Variants in EDIL3 observed in about 807,000 individuals in gnomAD.
EDIL3 encodes the protein EGF like and discoidin domains 3, also known as EGF-like repeat and discoidin I-like domain-containing protein 3.
A neutral mutation model predicts 67.4 loss-of-function variants in EDIL3; 37 were observed. The observed-to-expected ratio is 0.55, with a 90% confidence interval of 0.42 to 0.72. EDIL3 has a LOEUF of 0.72. EDIL3 is among the 30% of genes least tolerant of loss of function. EDIL3 has a pLI of 0.00. For synonymous variants in EDIL3, 195 were observed against 196.3 expected (o/e 0.99, Z 0.05); for missense variants, 527 against 586.3 (o/e 0.90, Z 1.04).
At chr5:84,271,031 TACCCA>T (rs1745463334) in intron 1 of EDIL3, among the ~76,000 whole-genome samples, 2 of 152,242 alleles carry the variant, frequency 1.3e-5, no homozygotes, top group South Asian at 4.1e-4. Flanking sequence ...AGTCCTGGTC[TACCCA>T]ATTTATTCTT....
At chr5:84,046,645 A>G (rs1746229196) in intron 9 of EDIL3, among the ~76,000 whole-genome samples, 1 of 152,234 alleles carries the variant, frequency 6.6e-6, no homozygotes, top group Non-Finnish European at 1.5e-5. Flanking sequence ...AATATTTGAA[A>G]CAGTATTCCC....
intron 4 of EDIL3, among the ~76,000 whole-genome samples, chr5:84,171,851 G>A (rs1658610717): frequency 6.6e-6 from 1 of 152,114 alleles, no homozygotes; most frequent in Non-Finnish European, 1.5e-5. Context: ...AGAATCTCTG[G>A]GGTGAGAGCC....
chr5:84,305,290 C>T (rs1343695893), intron 1 of EDIL3, among the ~76,000 whole-genome samples: 1 of 152,166 alleles, frequency 6.6e-6, no homozygotes, highest in African/African-American at 2.4e-5. Flanking sequence ...TATTAACCAT[C>T]TCTTTCCTCT....
chr5:84,262,260 T>C (rs1338111442), intron 1 of EDIL3, among the ~76,000 whole-genome samples: 1 of 152,108 alleles, frequency 6.6e-6, no homozygotes, highest in Non-Finnish European at 1.5e-5. Flanking sequence ...TTCCCAGCCC[T>C]CCACAGTTTC....
chr5:84,328,589 T>C (rs1746812147), intron 1 of EDIL3, among the ~76,000 whole-genome samples: 1 of 152,072 alleles, frequency 6.6e-6, no homozygotes, highest in Non-Finnish European at 1.5e-5. Context: ...TTATTATAAA[T>C]GGCTCTACAG....
chr5:84,190,554 T>TGC (rs1299757785), intron 3 of EDIL3, among the ~76,000 whole-genome samples: 1 of 56,948 alleles, frequency 1.8e-5, no homozygotes, highest in South Asian at 5.1e-4. Context: ...TATATATATG[T>TGC]GTGTGTGTGT....
At chr5:84,261,265 C>T (rs114894193) in intron 1 of EDIL3, among the ~76,000 whole-genome samples, 2,479 of 152,126 alleles carry the variant, frequency 0.016, 69 homozygotes, top group African/African-American at 0.057. Flanking sequence ...ATGTTAGCAC[C>T]CTTATGACTT....
At chr5:84,161,156 G>A (rs1363768566) in intron 4 of EDIL3, among the ~76,000 whole-genome samples, 1 of 151,974 alleles carries the variant, frequency 6.6e-6, no homozygotes, top group Non-Finnish European at 1.5e-5. Context: ...CCAGGCTGTT[G>A]TGAATGCCAT....
At chr5:84,124,795 A>C (rs975326238) in intron 5 of EDIL3, among the ~76,000 whole-genome samples, 1 of 151,994 alleles carries the variant, frequency 6.6e-6, no homozygotes, top group Non-Finnish European at 1.5e-5. Flanking sequence ...TGAACTCACC[A>C]AAGCTCCTAT....
Position 84,358,592 on chromosome 5 carries a change from C to CTT in EDIL3, c.67+25714_67+25715dup, listed in dbSNP as rs756013675. ...GCATAAGACAGTATTCATTTTTATC[C>CTT]TTTTTTTTTTTTTTTTTTTTTTTTT... On this transcript the variant is annotated intron_variant, in intron 1 of 10. Coordinates refer to ENST00000296591, the MANE Select transcript of EDIL3 (RefSeq NM_005711.5). Among the ~76,000 whole-genome samples, 374 of 94,576 alleles carry CTT rather than the reference C, an allele frequency of 4.0e-3. 31 individuals carry two copies. The highest frequency in any genetic ancestry group is 5.7e-3 in the African/African-American group (144 of 25,324). 62.0% of individuals were successfully genotyped at this position (94,576 alleles called of 152,430 possible). A position where few individuals can be genotyped will look rare whatever the true frequency, so the allele number is the denominator to read the frequency against.
At chr5:84,003,023 TCTGCCAC>T (rs1745357828) in intron 9 of EDIL3, among the ~76,000 whole-genome samples, 1 of 136,518 alleles carries the variant, frequency 7.3e-6, no homozygotes, top group African/African-American at 3.2e-5. Context: ...TGACAGCCCC[TCTGCCAC>T]TGCTGTTGTA....
At position 84,384,330 on chromosome 5, in the gene EDIL3, G is replaced by A; in HGVS notation, c.45C>T (p.Leu15=). 1 of 1,612,058 alleles carries A rather than the reference G, an allele frequency of 6.2e-7. No homozygotes were observed. Among genetic ancestry groups the A allele is most frequent in the African/African-American group, 1.3e-5 (1 of 74,872 alleles). The change falls in exon 1 of 11, where the codon CTC becomes CTT. Residue 15 remains leucine (L), a synonymous_variant. Transcript: ENST00000296591. ...VAVWLLVGLS[L]GVPQFGKGDI... The stretch of plus-strand genomic sequence containing the variant: ...TACCTTTGCCGAACTGGGGGACACC[G>A]AGGCTGAGCCCGACCAAGAGCCAGA...
chr5:84,124,485 A>T (rs1159342017), intron 5 of EDIL3, among the ~76,000 whole-genome samples: 1 of 92,154 alleles, frequency 1.1e-5, no homozygotes, highest in East Asian at 4.1e-4. Context: ...AAATGTCAAC[A>T]GTTTTCCAAG....
chr5:83,947,357 C>CTGTG (rs1220301860), intron 10 of EDIL3, among the ~76,000 whole-genome samples: 53 of 132,834 alleles, frequency 4.0e-4, no homozygotes, highest in African/African-American at 9.4e-5. Flanking sequence ...ATGTATGTGT[C>CTGTG]TGTGTCTGTG....
At chr5:83,973,146 A>G (rs1357458372) in intron 9 of EDIL3, among the ~76,000 whole-genome samples, 1 of 152,060 alleles carries the variant, frequency 6.6e-6, no homozygotes, top group African/African-American at 2.4e-5. Context: ...CAGAATTAAC[A>G]TATCTTCCTT....
At chr5:84,198,265 A>G (rs1346473678) in intron 3 of EDIL3, among the ~76,000 whole-genome samples, 1 of 151,874 alleles carries the variant, frequency 6.6e-6, no homozygotes, top group Non-Finnish European at 1.5e-5. Flanking sequence ...AACCATGCAA[A>G]TGTGTGCAAG....
intron 9 of EDIL3, among the ~76,000 whole-genome samples, chr5:83,989,187 G>A (rs1745106748): frequency 1.3e-5 from 2 of 152,100 alleles, no homozygotes; most frequent in African/African-American, 2.4e-5. Flanking sequence ...TATAATTCCT[G>A]CTTCATTTTA....
intron 1 of EDIL3, among the ~76,000 whole-genome samples, chr5:84,369,687 A>C (rs1469481163): frequency 1.3e-5 from 2 of 152,124 alleles, no homozygotes; most frequent in Non-Finnish European, 2.9e-5. Flanking sequence ...ATTGCACAAC[A>C]TTATAAATGT....
chr5:84,349,180 G>C (rs932246306), intron 1 of EDIL3, among the ~76,000 whole-genome samples: 13 of 152,072 alleles, frequency 8.5e-5, no homozygotes, highest in African/African-American at 4.8e-5. Flanking sequence ...ATAACAGCTT[G>C]CTTTCCCAAG....
Sources: gnomAD v4.1 joint callset for allele counts (sites outside exome capture counted in the v4.1 genomes callset) on GRCh38, gnomAD v4.1.1 for gene constraint, MANE v1.5 for transcripts, NCBI Gene and HGNC (gene_info 2026-07-23, HGNC 2026-07-21) for gene names.